Variants in ARHGEF3 observed in about 807,000 individuals in gnomAD.
ARHGEF3 encodes 59.8 kDA protein.
ARHGEF3 carries 28 observed loss-of-function variants against 63.2 expected under a neutral mutation model. That is an observed-to-expected ratio of 0.44 (90% CI 0.33 to 0.61). ARHGEF3 has a LOEUF of 0.61. ARHGEF3 is among the 20% of genes least tolerant of loss of function. The pLI is 0.03. For synonymous variants in ARHGEF3, 266 were observed against 254.2 expected, an observed-to-expected ratio of 1.05 and a Z score of -0.44; for missense variants, 533 against 659.3, an observed-to-expected ratio of 0.81 and a Z score of 2.10.
At chr3:56,835,457 T>C (rs983436129) in intron 4 of ARHGEF3, among the ~76,000 whole-genome samples, 3 of 152,182 alleles carry the variant, frequency 2.0e-5, no homozygotes, top group African/African-American at 7.2e-5. Flanking sequence ...ATTACAGGTG[T>C]GAGCCACCAT....
chr3:56,747,582 A>C (rs1229280461), intron 6 of ARHGEF3, among the ~76,000 whole-genome samples: 2 of 152,188 alleles, frequency 1.3e-5, no homozygotes, highest in African/African-American at 4.8e-5. Flanking sequence ...TCACGCCTGT[A>C]ATCATATTAC....
intron 2 of ARHGEF3, among the ~76,000 whole-genome samples, chr3:57,007,583 G>C (rs1302990701): frequency 6.6e-6 from 1 of 152,128 alleles, no homozygotes; most frequent in Non-Finnish European, 1.5e-5. Context: ...TGCCTGCAGT[G>C]TTGCGCCCGC....
intron 2 of ARHGEF3, among the ~76,000 whole-genome samples, chr3:56,968,992 C>A (rs1025904840): frequency 2.0e-5 from 3 of 152,166 alleles, no homozygotes; most frequent in Non-Finnish European, 2.9e-5. Flanking sequence ...AAATTGAGAA[C>A]CCCTGCTAAA....
At chr3:56,849,386 TA>T (rs2039596097) in intron 4 of ARHGEF3, among the ~76,000 whole-genome samples, 1 of 152,222 alleles carries the variant, frequency 6.6e-6, no homozygotes, top group South Asian at 2.1e-4. Context: ...AGCTTAGTGA[TA>T]GTCTCTGGAT....
intron 3 of ARHGEF3, among the ~76,000 whole-genome samples, chr3:56,957,455 TCATTCATTC>T (rs1172347669): frequency 6.6e-6 from 1 of 152,190 alleles, no homozygotes; most frequent in East Asian, 1.9e-4. Context: ...AGAAAGGTAT[TCATTCATTC>T]CATTCATTCA....
intron 4 of ARHGEF3, among the ~76,000 whole-genome samples, chr3:56,809,868 G>A (rs1463972302): frequency 6.6e-6 from 1 of 151,996 alleles, no homozygotes; most frequent in Non-Finnish European, 1.5e-5. Context: ...GAGTAGCTGG[G>A]ATTACAGATG....
intron 1 of ARHGEF3, among the ~76,000 whole-genome samples, chr3:56,799,418 G>A (rs2037532425): frequency 6.6e-6 from 1 of 152,170 alleles, no homozygotes; most frequent in South Asian, 2.1e-4. Flanking sequence ...AGGTCAACAA[G>A]TCCTGTTTTC....
chr3:57,042,694 A>AT (rs1340824293), intron 1 of ARHGEF3, among the ~76,000 whole-genome samples: 6 of 41,882 alleles, frequency 1.4e-4, no homozygotes, highest in African/African-American at 4.9e-4. Flanking sequence ...ATATATATAT[A>AT]TATATATTTT....
intron 2 of ARHGEF3, among the ~76,000 whole-genome samples, chr3:56,772,876 C>G (rs928269712): frequency 6.6e-6 from 1 of 152,060 alleles, no homozygotes; most frequent in African/African-American, 2.4e-5. Flanking sequence ...GAAGCAAGAC[C>G]TATCTGTAGG....
chr3:56,739,113 A>G (rs1010864050), intron 7 of ARHGEF3, among the ~76,000 whole-genome samples: 1 of 151,986 alleles, frequency 6.6e-6, no homozygotes, highest in African/African-American at 2.4e-5. Flanking sequence ...AAAAAACTCC[A>G]TGACACCAAT....
At chr3:56,975,183 C>T (rs1302055521) in intron 2 of ARHGEF3, among the ~76,000 whole-genome samples, 2 of 152,092 alleles carry the variant, frequency 1.3e-5, no homozygotes, top group African/African-American at 2.4e-5. Flanking sequence ...TCTGGGAGGC[C>T]GAGGCAGGCG....
intron 4 of ARHGEF3, among the ~76,000 whole-genome samples, chr3:56,879,887 G>C (rs1179958011): frequency 6.6e-6 from 1 of 152,160 alleles, no homozygotes; most frequent in Non-Finnish European, 1.5e-5. Flanking sequence ...ATCTTCTCCT[G>C]TGTGGCTCTA....
At chr3:56,882,258 C>T (rs781118014) in intron 4 of ARHGEF3, 105 of 1,534,058 alleles carry the variant, frequency 6.8e-5, no homozygotes, top group South Asian at 2.6e-4. Context: ...GAGATGCTCT[C>T]GGTGCCAGTG....
intron 1 of ARHGEF3, chr3:57,073,946 A>G (rs774846422): frequency 1.9e-6 from 3 of 1,614,216 alleles, no homozygotes; most frequent in South Asian, 1.1e-5. Context: ...CCTGTCAGAG[A>G]TATTTACAAG....
intron 2 of ARHGEF3, among the ~76,000 whole-genome samples, chr3:56,983,346 T>C (rs1345316246): frequency 6.6e-6 from 1 of 152,170 alleles, no homozygotes; most frequent in African/African-American, 2.4e-5. Context: ...CCATGGGCTC[T>C]TGGGGTCTCC....
intron 4 of ARHGEF3, among the ~76,000 whole-genome samples, chr3:56,843,287 T>C (rs980803517): frequency 2.0e-5 from 3 of 152,124 alleles, no homozygotes; most frequent in Non-Finnish European, 2.9e-5. Context: ...TAAGACAGGG[T>C]CTCACTCTGT....
intron 4 of ARHGEF3, among the ~76,000 whole-genome samples, chr3:56,869,738 G>A (rs978698724): frequency 2.0e-5 from 3 of 152,162 alleles, no homozygotes; most frequent in Non-Finnish European, 4.4e-5. Context: ...GCTGGGCATG[G>A]AAGCCCAGAT....
intron 1 of ARHGEF3, among the ~76,000 whole-genome samples, chr3:57,077,228 G>A (rs1302978968): frequency 6.6e-6 from 1 of 152,192 alleles, no homozygotes; most frequent in Admixed American, 6.5e-5. Flanking sequence ...AATTGACCAA[G>A]TCAAGGCTGA....
chr3:56,805,995 C>G (rs2107986433), upstream of ARHGEF3, among the ~76,000 whole-genome samples: 1 of 152,266 alleles, frequency 6.6e-6, no homozygotes, highest in South Asian at 2.1e-4. Flanking sequence ...GGGGTGCATA[C>G]AAGCCATGTA....
Sources: allele counts gnomAD v4.1 joint callset (sites outside exome capture counted in the v4.1 genomes callset), GRCh38; gene constraint gnomAD v4.1.1; transcripts MANE v1.5; gene names NCBI Gene and HGNC (gene_info 2026-07-23, HGNC 2026-07-21).